PTK2: variants seen among roughly 807,000 people sequenced by gnomAD.
PTK2 encodes protein tyrosine kinase 2, also known as focal adhesion kinase 1.
A neutral mutation model predicts 150.1 loss-of-function variants in PTK2; 45 were observed. The observed-to-expected ratio is 0.30, with a 90% CI of 0.24 to 0.38. The LOEUF (loss-of-function observed/expected upper bound fraction) is 0.38. PTK2 is among the 10% of genes least tolerant of loss of function. The probability of loss-of-function intolerance (pLI) is 1.00; values close to 1 mark genes in which losing one functional copy is unlikely to be tolerated. For synonymous variants in PTK2, 432 were observed against 449.2 expected, an observed-to-expected ratio of 0.96 and a Z score of 0.48; for missense variants, 919 against 1,307.3, an observed-to-expected ratio of 0.70 and a Z score of 4.58.
At chr8:140,894,519 C>T (rs556285954) in intron 2 of PTK2, among the ~76,000 whole-genome samples, 1 of 152,174 alleles carries the variant, frequency 6.6e-6, no homozygotes, top group Non-Finnish European at 1.5e-5. Context: ...ATGGTACATT[C>T]CTATAATGGA....
At chr8:140,765,380 G>C (rs1353550933) in intron 14 of PTK2, 2 of 152,084 alleles carry the variant, frequency 1.3e-5, no homozygotes, top group African/African-American at 4.8e-5. Context: ...CAGTCACTGG[G>C]ATATCAATCA....
At chr8:140,919,394 T>G (rs951960398) in intron 2 of PTK2, among the ~76,000 whole-genome samples, 1 of 152,236 alleles carries the variant, frequency 6.6e-6, no homozygotes, top group Non-Finnish European at 1.5e-5. Flanking sequence ...CTATAATCTC[T>G]TTTCTTCCAA....
chr8:140,930,753 A>G (rs912124470), intron 1 of PTK2, among the ~76,000 whole-genome samples: 1 of 152,180 alleles, frequency 6.6e-6, no homozygotes, highest in Non-Finnish European at 1.5e-5. Context: ...CCTGCATGGT[A>G]TATTTGCTGT....
chr8:140,758,019 G>A (rs1483940074), intron 16 of PTK2, among the ~76,000 whole-genome samples: 1 of 152,104 alleles, frequency 6.6e-6, no homozygotes, highest in African/African-American at 2.4e-5. Context: ...TACAGGTTTT[G>A]TGTATTTACT....
intron 2 of PTK2, among the ~76,000 whole-genome samples, chr8:140,894,313 C>A (rs2100155249): frequency 6.6e-6 from 1 of 152,188 alleles, no homozygotes; most frequent in Admixed American, 6.5e-5. Context: ...GGACTTCCAG[C>A]CTCTAGACCA....
chr8:140,981,096 G>GA lies in PTK2; in HGVS notation c.-122+20028dup, dbSNP rs781163891. Among the ~76,000 whole-genome samples, 464 of 117,948 alleles carry GA rather than the reference G, an allele frequency of 3.9e-3. 3 individuals are homozygous for GA. The highest frequency in any genetic ancestry group is 0.011 in the African/African-American group (337 of 31,904). 77.4% of individuals were successfully genotyped at this position (117,948 alleles called of 152,430 possible). ...TTAATAAACTTCCACTCCTGCTCTG[G>GA]AAAAAAAAAAAAAGAAAAGAAAAAG... On this transcript the variant is annotated intron_variant, in intron 1 of 31. Coordinates refer to ENST00000522684, the Ensembl canonical transcript of PTK2.
chr8:140,981,358 G>C (rs1015463385), intron 1 of PTK2, among the ~76,000 whole-genome samples: 1 of 152,160 alleles, frequency 6.6e-6, no homozygotes, highest in African/African-American at 2.4e-5. Flanking sequence ...TTCACTTACA[G>C]AGTGGCACCG....
chr8:140,884,145 C>T lies in PTK2; in HGVS notation c.196-4508G>A, dbSNP rs529529695. On this transcript the variant is annotated intron_variant, in intron 3 of 31. Transcript: ENST00000522684. The stretch of plus-strand genomic sequence containing the variant: ...TCACGCCTACAAGTCCCTCTGGCCA[C>T]GTAAGGGGACATCTGCACAGGTTCT... 6.6e-5 allele frequency among the ~76,000 whole-genome samples: 10 copies of T among 152,188 alleles called. No homozygotes were observed. The South Asian group carries it at 1.9e-3, about 28-fold the overall frequency.
chr8:140,692,972 T>C (rs770207562), intron 26 of PTK2, among the ~76,000 whole-genome samples: 2 of 152,110 alleles, frequency 1.3e-5, no homozygotes, highest in Non-Finnish European at 2.9e-5. Context: ...AAACACAAAG[T>C]AGGCTTTATA....
chr8:140,760,844 T>C (rs1223925584), intron 16 of PTK2, among the ~76,000 whole-genome samples: 3 of 152,194 alleles, frequency 2.0e-5, no homozygotes, highest in Non-Finnish European at 4.4e-5. Flanking sequence ...TGCAGGTAAA[T>C]AGGTATACTG....
At chr8:140,803,743 A>C (rs930905357) in intron 10 of PTK2, 93 bp from the exon 11 acceptor site, 2 of 1,168,598 alleles carry the variant, frequency 1.7e-6, no homozygotes, top group African/African-American at 3.1e-5. Flanking sequence ...GTTGTCCTGA[A>C]GACATCCTCC....
chr8:140,670,534 C>T (rs1429173349), intron 29 of PTK2, among the ~76,000 whole-genome samples: 1 of 118,304 alleles, frequency 8.5e-6, no homozygotes, highest in Admixed American at 8.5e-5. Flanking sequence ...CACACACACA[C>T]ACACATTGGG....
Position 140,753,841 on chromosome 8 carries a change from T to C in PTK2, c.1333-1525A>G, listed in dbSNP as rs368936228. On this transcript the variant is annotated intron_variant, in intron 16 of 31. Transcript: ENST00000522684. Reference sequence around the variant, plus strand: ...TTTTGTCAAAAAATCCCCATTAGTATAGCACTGATGCATACTATATGCTCA... The same window carrying C: ...TTTTGTCAAAAAATCCCCATTAGTACAGCACTGATGCATACTATATGCTCA... 7.2e-4 allele frequency among the ~76,000 whole-genome samples: 109 copies of C among 152,274 alleles called. 3 individuals carry two copies. In the South Asian group the frequency reaches 0.022, roughly 31 times the overall value.
chr8:140,879,673 A>G, intron 3 of PTK2, 36 bp from the exon 4 acceptor site: 1 of 340,946 alleles, frequency 2.9e-6, no homozygotes, highest in Non-Finnish European at 4.8e-6. Context: ...ACTGTTATAA[A>G]CTGAAAAAAA....
At chr8:140,865,690 T>C (rs1290686612) in intron 4 of PTK2, among the ~76,000 whole-genome samples, 1 of 152,252 alleles carries the variant, frequency 6.6e-6, no homozygotes, top group Non-Finnish European at 1.5e-5. Flanking sequence ...TAACTTACTG[T>C]AGATATTCTA....
intron 14 of PTK2, among the ~76,000 whole-genome samples, chr8:140,781,794 A>G (rs977155216): frequency 6.6e-6 from 1 of 152,194 alleles, no homozygotes; most frequent in Non-Finnish European, 1.5e-5. Context: ...CGATGCTGAT[A>G]TTTCAAAACC....
intron 1 of PTK2, among the ~76,000 whole-genome samples, chr8:140,937,976 T>G (rs2100174277): frequency 6.6e-6 from 1 of 152,206 alleles, no homozygotes. Flanking sequence ...TTGAAAAATA[T>G]ACTCAGTACA....
At chr8:140,886,215 C>T (rs1224701465) in intron 3 of PTK2, among the ~76,000 whole-genome samples, 3 of 152,148 alleles carry the variant, frequency 2.0e-5, no homozygotes, top group Non-Finnish European at 4.4e-5. Flanking sequence ...AACCCTTTGA[C>T]TGGAGCACTG....
At chr8:140,663,936 G>T (rs550831302) in intron 31 of PTK2, among the ~76,000 whole-genome samples, 84 of 152,172 alleles carry the variant, frequency 5.5e-4, no homozygotes, top group African/African-American at 1.9e-3. Flanking sequence ...TTACAGAGGT[G>T]AGCCACCACA....
Sources: allele counts gnomAD v4.1 joint callset (sites outside exome capture counted in the v4.1 genomes callset), GRCh38; gene constraint gnomAD v4.1.1; transcripts MANE v1.5; gene names NCBI Gene and HGNC (gene_info 2026-07-23, HGNC 2026-07-21).